The following RGS10 variants were observed in gnomAD, a reference collection of about 807,000 sequenced individuals.
The protein encoded by RGS10 is regulator of G-protein signalling 10.
In RGS10, 11 loss-of-function variants were observed where a neutral mutation model predicts 23.5. That is an observed-to-expected ratio of 0.47 (90% CI 0.29 to 0.77). RGS10 has a LOEUF of 0.77. Among genes scored for constraint, RGS10 ranks in the 30% least tolerant of loss-of-function variants. RGS10 has a pLI of 0.08. For missense variants in RGS10, 180 were observed against 226.3 expected, an observed-to-expected ratio of 0.80 and a Z score of 1.31; for synonymous variants, 77 against 83.2, an observed-to-expected ratio of 0.92 and a Z score of 0.41.
At chr10:119,534,281 AAATAAATAAATAAATAAATAAAT>A (rs1472081454) in intron 1 of RGS10, among the ~76,000 whole-genome samples, 3 of 102,280 alleles carry the variant, frequency 2.9e-5, no homozygotes, top group Admixed American at 9.5e-5. Context: ...ATAAATAAAT[AAATAAATAAATAAATAAATAAAT>A]AAAAAAGGCC....
At chr10:119,536,582 C>A (rs117997586) in intron 1 of RGS10, 4 of 1,427,252 alleles carry the variant, frequency 2.8e-6, no homozygotes, top group Non-Finnish European at 3.8e-6. Context: ...CCCTTGGGTC[C>A]GAAGAAAAAA....
chr10:119,502,666 C>G (rs984427749), intron 4 of RGS10, among the ~76,000 whole-genome samples: 1 of 152,020 alleles, frequency 6.6e-6, no homozygotes, highest in African/African-American at 2.4e-5. Context: ...TGGCAGGACT[C>G]GACCCCGAGA....
intron 1 of RGS10, among the ~76,000 whole-genome samples, chr10:119,541,207 C>T (rs1844432260): frequency 6.6e-6 from 1 of 152,166 alleles, no homozygotes; most frequent in South Asian, 2.1e-4. Flanking sequence ...CGAGTCCAGG[C>T]TCTGAGCAGC....
chr10:119,517,862 C>T lies in RGS10; in HGVS notation c.256-2210G>A, dbSNP rs1002834412. 6.6e-6 allele frequency among the ~76,000 whole-genome samples: 1 copy of T among 152,166 alleles called. No homozygotes were observed. The highest frequency in any genetic ancestry group is 2.4e-5 in the African/African-American group (1 of 41,440). On this transcript the variant is annotated intron_variant, in intron 3 of 4. Coordinates refer to ENST00000369103, the MANE Select transcript of RGS10 (RefSeq NM_001005339.2). This position sits in a 1 kb window ranked among gnomAD's most constrained non-coding sequence, Gnocchi z 5.0. The stretch of plus-strand genomic sequence containing the variant: ...ATAAGCTTTGAGGGTCTCAGCCCTG[C>T]CCTCTTCCACCGGCTGTCCCTCCTG...
Position 119,500,266 on chromosome 10 carries a change from A to T in RGS10, c.400-7T>A, listed in dbSNP as rs1460142725. ...ACTTCATGAGATTAAAGATCTAAGG[A>T]GGAAAAGAAAAAAGAGTCTGAAGGC... On this transcript the variant is annotated splice_polypyrimidine_tract_variant and splice_region_variant and intron_variant, in intron 4 of 4. Coordinates refer to ENST00000369103, the MANE Select transcript of RGS10 (RefSeq NM_001005339.2). 6.2e-7 allele frequency: 1 copy of T among 1,604,286 alleles called. No individual in the cohort carries two copies. The highest frequency in any genetic ancestry group is 1.3e-5 in the African/African-American group (1 of 74,132).
chr10:119,541,961 G>A, intron 1 of RGS10, among the ~76,000 whole-genome samples: 1 of 152,258 alleles, frequency 6.6e-6, no homozygotes, highest in East Asian at 1.9e-4. Flanking sequence ...GGCCTATCAA[G>A]TTGCCCGAGA....
chr10:119,520,441 C>A (rs936105302), intron 3 of RGS10, among the ~76,000 whole-genome samples: 2 of 152,078 alleles, frequency 1.3e-5, no homozygotes, highest in Non-Finnish European at 2.9e-5. Flanking sequence ...CCATCAGACC[C>A]CCAGGTCCTC....
chr10:119,531,981 T>C (rs1335719893), intron 1 of RGS10, among the ~76,000 whole-genome samples: 1 of 152,142 alleles, frequency 6.6e-6, no homozygotes, highest in Non-Finnish European at 1.5e-5. Flanking sequence ...GCCATGGGTA[T>C]TGGTTTTCTG....
intron 4 of RGS10, among the ~76,000 whole-genome samples, chr10:119,511,041 A>G (rs962166048): frequency 6.6e-6 from 1 of 152,158 alleles, no homozygotes; most frequent in Non-Finnish European, 1.5e-5. Context: ...TTAAAGAAGA[A>G]AAGACACTGT....
intron 3 of RGS10, among the ~76,000 whole-genome samples, chr10:119,523,589 C>A (rs1426326742): frequency 1.3e-5 from 2 of 152,172 alleles, no homozygotes; most frequent in Non-Finnish European, 2.9e-5. Flanking sequence ...CACCTGAACC[C>A]AGGAGGCGGA....
Position 119,527,530 on chromosome 10 carries a change from C to T in RGS10, c.50-106G>A, listed in dbSNP as rs1461110513. ...CCGTCACCATCACGGCTGACATACA[C>T]CGACTTATGCGTCAGGCTCTGTTCT... On this transcript the variant is annotated intron_variant, in intron 1 of 4. Transcript: ENST00000369103. The surrounding 1 kb of genome is among the most constrained non-coding windows in gnomAD (Gnocchi z 4.2). 3.7e-6 allele frequency: 3 copies of T among 813,530 alleles called. No homozygotes were observed. The highest frequency in any genetic ancestry group is 2.4e-5 in the East Asian group (1 of 40,972). 50.4% of individuals were successfully genotyped at this position (813,530 alleles called of 1,614,324 possible).
intron 1 of RGS10, among the ~76,000 whole-genome samples, chr10:119,535,513 C>G (rs951660305): frequency 2.0e-5 from 3 of 152,162 alleles, no homozygotes; most frequent in Non-Finnish European, 4.4e-5. Context: ...AGACCTTCTC[C>G]AGACATTAAT....
rs1844247726 is a variant in RGS10, at chr10:119,524,185, C to T, written c.255+1847G>A. ...GCTTGCTCCCCTTGAGGTGCCCGTT[C>T]CCTGGAGCCGCTCACCTGTCCTGTC... On this transcript the variant is annotated intron_variant, in intron 3 of 4. Transcript: ENST00000369103. This position sits in a 1 kb window ranked among gnomAD's most constrained non-coding sequence, Gnocchi z 5.2. Among the ~76,000 whole-genome samples, 1 of 152,216 alleles carries T rather than the reference C, an allele frequency of 6.6e-6. No individual in the cohort carries two copies. The highest frequency in any genetic ancestry group is 1.5e-5 in the Non-Finnish European group (1 of 68,042).
chr10:119,518,987 T>C (rs1163636234), intron 3 of RGS10, among the ~76,000 whole-genome samples: 1 of 152,232 alleles, frequency 6.6e-6, no homozygotes, highest in Non-Finnish European at 1.5e-5. Context: ...ATTACAGGCG[T>C]GAGCCACCGT....
intron 1 of RGS10, among the ~76,000 whole-genome samples, chr10:119,537,220 TA>T (rs1278682803): frequency 6.6e-6 from 1 of 151,482 alleles, no homozygotes; most frequent in African/African-American, 2.4e-5. Flanking sequence ...TGGAGAAACC[TA>T]AAAATACAAA....
At chr10:119,536,641 G>A in intron 1 of RGS10, 2 of 690,674 alleles carry the variant, frequency 2.9e-6, no homozygotes, top group Non-Finnish European at 2.4e-6. Context: ...GATGGCCACT[G>A]GTTTCCAGTT....
At chr10:119,509,947 G>C (rs1243797847) in intron 4 of RGS10, among the ~76,000 whole-genome samples, 3 of 151,826 alleles carry the variant, frequency 2.0e-5, no homozygotes, top group Admixed American at 2.0e-4. Flanking sequence ...ATGGGCAGGG[G>C]GAGAGGGGGA....
At chr10:119,511,271 A>C (rs1844073697) in intron 4 of RGS10, among the ~76,000 whole-genome samples, 1 of 152,120 alleles carries the variant, frequency 6.6e-6, no homozygotes, top group Non-Finnish European at 1.5e-5. Context: ...CCATCTCGCC[A>C]CTTACATGAA....
intron 4 of RGS10, among the ~76,000 whole-genome samples, chr10:119,512,165 C>T (rs1200057768): frequency 1.3e-5 from 2 of 152,154 alleles, no homozygotes; most frequent in African/African-American, 4.8e-5. Flanking sequence ...GGCGGCGGTG[C>T]TGAACACAGG....
Sources: gnomAD v4.1 joint callset for allele counts (sites outside exome capture counted in the v4.1 genomes callset) on GRCh38, gnomAD v4.1.1 for gene constraint, Gnocchi (gnomAD v3.1) non-coding constraint, MANE v1.5 for transcripts, NCBI Gene and HGNC (gene_info 2026-07-23, HGNC 2026-07-21) for gene names.